The following RAB28 variants were observed in gnomAD, a reference collection of about 807,000 sequenced individuals.
The protein encoded by RAB28 is RAB28, member RAS oncogene family.
A neutral mutation model predicts 31.7 loss-of-function variants in RAB28; 24 were observed. The observed-to-expected ratio is 0.76, with a 90% confidence interval of 0.55 to 1.06. The LOEUF is 1.06. Ranked by LOEUF, RAB28 falls within the 50% of genes least tolerant of loss-of-function variation. RAB28 has a pLI of 0.00. For missense variants in RAB28, 254 were observed against 258.5 expected, an observed-to-expected ratio of 0.98 and a Z score of 0.12; for synonymous variants, 100 against 90.4, an observed-to-expected ratio of 1.11 and a Z score of -0.60.
intron 1 of RAB28, among the ~76,000 whole-genome samples, chr4:13,480,170 C>G (rs935724660): frequency 5.3e-5 from 8 of 151,688 alleles, no homozygotes; most frequent in African/African-American, 1.9e-4. Flanking sequence ...GCCAAGAAGT[C>G]ACAAGCTATC....
chr4:13,459,030 A>T (rs1715454591), intron 4 of RAB28, among the ~76,000 whole-genome samples: 1 of 152,202 alleles, frequency 6.6e-6, no homozygotes, highest in Non-Finnish European at 1.5e-5. Flanking sequence ...GGCACTCTCT[A>T]ATCAACTGCC....
intron 4 of RAB28, among the ~76,000 whole-genome samples, chr4:13,415,652 C>T (rs561870666): frequency 6.6e-6 from 1 of 152,120 alleles, no homozygotes; most frequent in African/African-American, 2.4e-5. Context: ...GAGCCTCCCC[C>T]GCCCCCTCCA....
chr4:13,379,205 CAAAAAAAAA>C (rs34341516), intron 5 of RAB28, among the ~76,000 whole-genome samples: 2 of 57,988 alleles, frequency 3.4e-5, no homozygotes, highest in East Asian at 5.3e-4. Context: ...AACTCTGTCT[CAAAAAAAAA>C]AAAAAAAAAA....
intron 1 of RAB28, among the ~76,000 whole-genome samples, chr4:13,482,539 A>G (rs1207083678): frequency 1.3e-5 from 2 of 152,222 alleles, no homozygotes; most frequent in Non-Finnish European, 2.9e-5. Flanking sequence ...AAGAAAATCT[A>G]AATGATGAGA....
At chr4:13,398,695 G>T (rs1273849619) in intron 4 of RAB28, among the ~76,000 whole-genome samples, 3 of 151,332 alleles carry the variant, frequency 2.0e-5, no homozygotes, top group Admixed American at 6.6e-5. Context: ...GGAGAACGGC[G>T]TGAACCTGGG....
intron 4 of RAB28, among the ~76,000 whole-genome samples, chr4:13,383,789 A>C (rs1326348017): frequency 2.6e-5 from 4 of 152,190 alleles, no homozygotes; most frequent in Non-Finnish European, 5.9e-5. Flanking sequence ...GCCTGACGCC[A>C]TGTAAGGCGT....
In RAB28 at chr4:13,370,081, A is replaced by T. The variant is rs199503788; in HGVS notation, c.574-1431T>A. ...GAAGGAAACACCAAAGTAGAAAAATAAAATTAACATATAAATGTAAACATG... is the reference window on the plus strand; with the variant it reads ...GAAGGAAACACCAAAGTAGAAAAATTAAATTAACATATAAATGTAAACATG... On this transcript the variant is annotated intron_variant, in intron 6 of 6. Transcript: ENST00000330852. 6 of 1,440,484 alleles carry T rather than the reference A, an allele frequency of 4.2e-6. No homozygotes were observed. The East Asian group carries it at 1.5e-4, about 36-fold the overall frequency. 89.2% of individuals were successfully genotyped at this position (1,440,484 alleles called of 1,614,324 possible).
chr4:13,470,783 G>C (rs553217844), intron 3 of RAB28, among the ~76,000 whole-genome samples: 1 of 152,060 alleles, frequency 6.6e-6, no homozygotes, highest in South Asian at 2.1e-4. Context: ...AATTTAACTG[G>C]GACATATTTC....
At chr4:13,432,561 T>A (rs1713872808) in intron 4 of RAB28, among the ~76,000 whole-genome samples, 1 of 151,966 alleles carries the variant, frequency 6.6e-6, no homozygotes, top group Admixed American at 6.6e-5. Context: ...AATTACATAA[T>A]AAGGGAATTC....
At chr4:13,386,286 C>T (rs1434374662) in intron 4 of RAB28, among the ~76,000 whole-genome samples, 1 of 151,724 alleles carries the variant, frequency 6.6e-6, no homozygotes, top group East Asian at 1.9e-4. Context: ...AAGAACTTCT[C>T]CACAGCAAAA....
intron 4 of RAB28, among the ~76,000 whole-genome samples, chr4:13,420,114 G>A (rs573910527): frequency 1.3e-5 from 2 of 152,278 alleles, no homozygotes; most frequent in Non-Finnish European, 2.9e-5. Flanking sequence ...TACCATCGGA[G>A]AATACTATAA....
chr4:13,459,598 C>CT (rs1334995612), intron 4 of RAB28: 1 of 264,344 alleles, frequency 3.8e-6, no homozygotes, highest in Non-Finnish European at 5.9e-6. Flanking sequence ...TCTCTGCTAT[C>CT]TATCATTTGA....
intron 3 of RAB28, among the ~76,000 whole-genome samples, chr4:13,462,310 G>A (rs1354148475): frequency 6.6e-6 from 1 of 152,048 alleles, no homozygotes; most frequent in Non-Finnish European, 1.5e-5. Context: ...ACAGAGTTGG[G>A]GAGGTCACCA....
At chr4:13,422,628 T>C (rs1389755892) in intron 4 of RAB28, among the ~76,000 whole-genome samples, 3 of 152,084 alleles carry the variant, frequency 2.0e-5, no homozygotes, top group African/African-American at 4.8e-5. Context: ...GAAACCATCA[T>C]TCTCAGCAAA....
intron 1 of RAB28, among the ~76,000 whole-genome samples, chr4:13,483,520 A>T (rs1002811083): frequency 2.0e-5 from 3 of 152,192 alleles, no homozygotes; most frequent in African/African-American, 7.2e-5. Flanking sequence ...TTTAATATGT[A>T]TTTTCACATT....
chr4:13,435,103 T>G (rs1197644659), intron 4 of RAB28, among the ~76,000 whole-genome samples: 5 of 143,468 alleles, frequency 3.5e-5, no homozygotes, highest in African/African-American at 1.3e-4. Flanking sequence ...ACATGGAAAC[T>G]AAACAACTTG....
intron 4 of RAB28, among the ~76,000 whole-genome samples, chr4:13,421,931 C>T (rs1003533241): frequency 9.2e-5 from 14 of 152,016 alleles, no homozygotes. Flanking sequence ...AGCTTCTGCA[C>T]AGCAAAAGAA....
chr4:13,467,078 A>G (rs1266254378), intron 3 of RAB28, among the ~76,000 whole-genome samples: 1 of 151,294 alleles, frequency 6.6e-6, no homozygotes, highest in Non-Finnish European at 1.5e-5. Context: ...AGATATAAAG[A>G]TTTTTTTTTG....
At chr4:13,473,831 C>A in intron 3 of RAB28, 1 of 378,050 alleles carries the variant, frequency 2.6e-6, no homozygotes. Flanking sequence ...TATACACTGT[C>A]ATATTTAGTT....
Sources: allele counts gnomAD v4.1 joint callset (sites outside exome capture counted in the v4.1 genomes callset), GRCh38; gene constraint gnomAD v4.1.1; transcripts MANE v1.5; gene names NCBI Gene and HGNC (gene_info 2026-07-23, HGNC 2026-07-21).